Variants in ALPK2 observed in about 807,000 individuals in gnomAD.
The protein encoded by ALPK2 is alpha-protein kinase 2.
Under a neutral mutation model 163.1 loss-of-function variants are expected in ALPK2, and 127 were observed. The ratio of observed to expected loss-of-function variants is 0.78; its 90% CI spans 0.67 to 0.90. The LOEUF (loss-of-function observed/expected upper bound fraction) is 0.90, where lower values mean the gene tolerates loss of function less well. Ranked by LOEUF, ALPK2 falls within the 40% of genes least tolerant of loss-of-function variation. The pLI, the probability that ALPK2 is intolerant of heterozygous loss-of-function variation, is 0.00. For missense variants in ALPK2, 2,360 were observed against 2,589.6 expected (o/e 0.91, Z 1.92); for synonymous variants, 953 against 959.1 (o/e 0.99, Z 0.12).
chr18:58,607,550 T>C (rs761015894), intron 2 of ALPK2, 111 bp from the exon 3 acceptor site: 93 of 647,266 alleles, frequency 1.4e-4, no homozygotes, highest in Non-Finnish European at 2.0e-4. Flanking sequence ...GGGATGAGGA[T>C]GATGGATTAC....
At chr18:58,628,521 G>C (rs2052243329) in intron 1 of ALPK2, among the ~76,000 whole-genome samples, 1 of 152,098 alleles carries the variant, frequency 6.6e-6, no homozygotes, top group African/African-American at 2.4e-5. Context: ...GCCAAAATAA[G>C]CAAATTTAAA....
At chr18:58,534,761 C>T (rs144279986) in intron 5 of ALPK2, 73 bp downstream of exon 5, 319 of 1,518,570 alleles carry the variant, frequency 2.1e-4, no homozygotes, top group Middle Eastern at 3.6e-4. Context: ...AAAGGACCCT[C>T]GAGGACACAG....
intron 1 of ALPK2, among the ~76,000 whole-genome samples, chr18:58,612,384 T>C (rs1287100241): frequency 6.6e-6 from 1 of 152,222 alleles, no homozygotes; most frequent in Non-Finnish European, 1.5e-5. Flanking sequence ...GAAATTAGGA[T>C]ATGACTGCTC....
Position 58,578,883 on chromosome 18 carries a change from C to G in ALPK2, c.1893G>C (p.Lys631Asn). 1.2e-6 allele frequency: 2 copies of G among 1,614,204 alleles called. No individual in the cohort carries two copies. The highest frequency in any genetic ancestry group is 1.7e-6 in the Non-Finnish European group (2 of 1,180,040). ...GAGTATTAACTTGCATGCCTTCTCC[C>G]TTGCAATTTGTGTTGCCTTCTTTGG... ...SVSKEGNTNC[K>N]GEGMQVNTLF... Residue 631 changes from lysine (K) to asparagine (N), a missense_variant, in exon 4 of 13, where the codon AAG (lysine) becomes AAC (asparagine). Transcript: ENST00000361673.
At chr18:58,590,831 G>C (rs767407203) in intron 3 of ALPK2, among the ~76,000 whole-genome samples, 1 of 152,096 alleles carries the variant, frequency 6.6e-6, no homozygotes, top group South Asian at 2.1e-4. Flanking sequence ...CTAAAGAGCC[G>C]AAACGGACCT....
rs201109872 is a variant in ALPK2 at position 58,551,121 on chromosome 18, AC to A, written c.1963-12898del. 2.2e-3 allele frequency among the ~76,000 whole-genome samples: 332 copies of A among 151,344 alleles called. 1 individual carries two copies. Among genetic ancestry groups the A allele is most frequent in the African/African-American group, 7.3e-3 (302 of 41,194 alleles). ...CAGAAACAAAAATGGAAAAAAAAAA[AC>A]CCACATTTTTTTTCTTAATAATTCA... On this transcript the variant is annotated intron_variant, in intron 4 of 12. Transcript: ENST00000361673.
chr18:58,544,581 G>C (rs548016785), intron 4 of ALPK2: 1 of 152,350 alleles, frequency 6.6e-6, no homozygotes, highest in South Asian at 2.1e-4. Flanking sequence ...TGTGCTAATA[G>C]CCAAGTGGAT....
intron 10 of ALPK2, among the ~76,000 whole-genome samples, chr18:58,506,158 T>A (rs958491561): frequency 6.6e-6 from 1 of 151,942 alleles, no homozygotes. Context: ...CAAATTTAAC[T>A]CTGCATTGGG....
chr18:58,505,334 C>T (rs1431879018), intron 10 of ALPK2, among the ~76,000 whole-genome samples: 3 of 152,100 alleles, frequency 2.0e-5, no homozygotes, highest in Non-Finnish European at 4.4e-5. Context: ...CCCCCAACCG[C>T]ACCCTCAGCT....
At position 58,543,259 on chromosome 18, in the gene ALPK2, G is replaced by A. The variant is rs1019189367; in HGVS notation, c.1963-5035C>T. On this transcript the variant is annotated intron_variant, in intron 4 of 12. Transcript: ENST00000361673. The stretch of plus-strand genomic sequence containing the variant: ...TGCCTGGGACTTCTCAGTCTCCAGA[G>A]CTGTAAGAAATACATTTCTTTTCTT... 4.2e-6 allele frequency: 3 copies of A among 705,930 alleles called. No individual in the cohort carries two copies. In the African/African-American group the frequency reaches 5.8e-5, roughly 14 times the overall value. The allele number at this position is 705,930 out of a possible 1,614,324, so 43.7% of individuals were successfully genotyped here. A position where few individuals can be genotyped will look rare whatever the true frequency, so the allele number is the denominator to read the frequency against.
chr18:58,493,790 G>A (rs1036172305), intron 12 of ALPK2, among the ~76,000 whole-genome samples: 1 of 152,208 alleles, frequency 6.6e-6, no homozygotes, highest in East Asian at 1.9e-4. Flanking sequence ...GTAGAAAGAT[G>A]CAAGGCTGGC....
intron 9 of ALPK2, among the ~76,000 whole-genome samples, chr18:58,515,573 T>C (rs1157018159): frequency 6.6e-6 from 1 of 152,202 alleles, no homozygotes; most frequent in African/African-American, 2.4e-5. Context: ...AGAATCCAGA[T>C]GCTGGGAGGT....
intron 3 of ALPK2, among the ~76,000 whole-genome samples, chr18:58,602,250 T>C (rs7245135): frequency 0.86 from 130,337 of 152,228 alleles, 56,196 homozygotes; most frequent in East Asian, 1. Context: ...GGCCAGTGCT[T>C]ATGTCCAGGT....
Position 58,535,751 on chromosome 18 carries a change from G to A in ALPK2, c.4436C>T (p.Ala1479Val). The change falls in exon 5 of 13, where the codon GCT becomes GTT. Residue 1479 changes from alanine (A) to valine (V), a missense_variant. Coordinates refer to ENST00000361673, the MANE Select transcript of ALPK2 (RefSeq NM_052947.4). ...RSQEGSMKQEAEQIQPEEAKT... is the reference protein window; with the variant it reads ...RSQEGSMKQEVEQIQPEEAKT... ...TGCCTCCTCAGGTTGAATTTGTTCA[G>A]CCTCCTGCTTCATACTGCCTTCTTG... is the stretch of plus-strand genomic sequence containing the variant. 4.3e-6 allele frequency: 7 copies of A among 1,614,154 alleles called. No homozygotes were observed. The highest frequency in any genetic ancestry group is 1.6e-4 in the Middle Eastern group (1 of 6,062).
intron 12 of ALPK2, among the ~76,000 whole-genome samples, chr18:58,486,096 T>C (rs1244213293): frequency 6.6e-6 from 1 of 152,226 alleles, no homozygotes; most frequent in Non-Finnish European, 1.5e-5. Flanking sequence ...TGGAAAAAGC[T>C]GAGCTGGGTC....
intron 4 of ALPK2, chr18:58,578,060 A>G (rs1299626421): frequency 1.3e-5 from 2 of 152,242 alleles, no homozygotes; most frequent in South Asian, 2.1e-4. Flanking sequence ...TAAGTTATGT[A>G]TCAAGCACAA....
Position 58,534,904 on chromosome 18 carries a change from G to C in ALPK2, c.5283C>G (p.Leu1761=), listed in dbSNP as rs754981644. ...NSAFLKKMPK[L]ETSLSHTEEK... is the part of the protein sequence containing the mutation. ...CTTCTGTGTGTGATAATGATGTTTC[G>C]AGTTTGGGCATCTTTTTAAGAAAGG... The change falls in exon 5 of 13, where the codon CTC becomes CTG. Residue 1761 remains leucine (L), a synonymous_variant. Coordinates refer to ENST00000361673, the MANE Select transcript of ALPK2 (RefSeq NM_052947.4). 4.3e-6 allele frequency: 7 copies of C among 1,614,006 alleles called. No homozygotes were observed. The highest frequency in any genetic ancestry group is 3.3e-5 in the South Asian group (3 of 91,066).
At chr18:58,532,298 G>A (rs540288997) in intron 5 of ALPK2, among the ~76,000 whole-genome samples, 14 of 152,308 alleles carry the variant, frequency 9.2e-5, no homozygotes, top group South Asian at 4.1e-4. Context: ...CCAGAAACCC[G>A]TTCTAATTTT....
At position 58,527,593 on chromosome 18, in the gene ALPK2, G is replaced by A. The variant is rs2051590914; in HGVS notation, c.5501+1498C>T. ...GAGCTCAGAGCAAGGCTGATGAATGGAAAAACAGTGAAAATACTGGTTAAT... is the reference window on the plus strand; with the variant it reads ...GAGCTCAGAGCAAGGCTGATGAATGAAAAAACAGTGAAAATACTGGTTAAT... On this transcript the variant is annotated intron_variant, in intron 6 of 12. Transcript: ENST00000361673. 2.6e-5 allele frequency among the ~76,000 whole-genome samples: 4 copies of A among 152,318 alleles called. No individual in the cohort carries two copies. The South Asian group carries it at 8.3e-4, about 32-fold the overall frequency.
Sources: gnomAD v4.1 joint callset for allele counts (sites outside exome capture counted in the v4.1 genomes callset) on GRCh38, gnomAD v4.1.1 for gene constraint, MANE v1.5 for transcripts, NCBI Gene and HGNC (gene_info 2026-07-23, HGNC 2026-07-21) for gene names.